CR2: variants seen among roughly 807,000 people sequenced by gnomAD.
CR2 encodes complement C3d receptor 2, also known as complement receptor type 2.
In CR2, 96 loss-of-function variants were observed where a neutral mutation model predicts 123.0. That is an observed-to-expected ratio of 0.78 (90% CI 0.66 to 0.93). The LOEUF (loss-of-function observed/expected upper bound fraction) is 0.93. CR2 is among the 40% of genes least tolerant of loss of function. The probability of loss-of-function intolerance (pLI) is 0.00; values close to 1 mark genes in which losing one functional copy is unlikely to be tolerated. For missense variants in CR2, 1,258 were observed against 1,361.0 expected, an observed-to-expected ratio of 0.92 and a Z score of 1.19; for synonymous variants, 484 against 469.5, an observed-to-expected ratio of 1.03 and a Z score of -0.40.
chr1:207,468,660 G>T lies in CR2; in HGVS notation c.579G>T (p.Lys193Asn). 2 of 1,614,066 alleles carry T rather than the reference G, an allele frequency of 1.2e-6. No homozygotes were observed. Among genetic ancestry groups the T allele is most frequent in the Non-Finnish European group, 1.7e-6 (2 of 1,179,976 alleles). Residue 193 changes from lysine (K) to asparagine (N), a missense_variant, in exon 3 of 20, where the codon AAG becomes AAT. Coordinates refer to ENST00000367057, the MANE Select transcript of CR2 (RefSeq NM_001006658.3). ...CTGGTTACTTGCTTGTTGGAGAAAA[G>T]ATCATTAACTGTTTGTCTTCGGGAA... ...CESGYLLVGEKIINCLSSGKW... is the reference protein window; with the variant it reads ...CESGYLLVGENIINCLSSGKW...
chr1:207,468,082 AAAAT>A (rs1658154499), intron 2 of CR2, among the ~76,000 whole-genome samples: 1 of 152,212 alleles, frequency 6.6e-6, no homozygotes, highest in Non-Finnish European at 1.5e-5. Flanking sequence ...CTAAAAATGA[AAAAT>A]AAGGTACTAT....
chr1:207,467,032 G>A, intron 2 of CR2, 120 bp downstream of exon 2: 1 of 1,227,624 alleles, frequency 8.1e-7, no homozygotes, highest in Non-Finnish European at 1.1e-6. Flanking sequence ...GTGGAAGAAG[G>A]AAACAAGGGA....
chr1:207,480,072 A>G lies in CR2; in HGVS notation c.3188+19A>G. 3 of 1,566,876 alleles carry G rather than the reference A, an allele frequency of 1.9e-6. No individual in the cohort carries two copies. The highest frequency in any genetic ancestry group is 2.6e-6 in the Non-Finnish European group (3 of 1,137,542). On this transcript the variant is annotated intron_variant, in intron 18 of 19. Coordinates refer to ENST00000367057, the MANE Select transcript of CR2 (RefSeq NM_001006658.3). The stretch of plus-strand genomic sequence containing the variant: ...GAGCACGGTAAGTTCAAAGGCGAAT[A>G]CTTGATTGACCAACATGCACAAGTG...
rs1349480518 is a variant in CR2 at position 207,468,837 on chromosome 1, G to A, written c.672G>A (p.Gly224=). Residue 224 remains glycine, a synonymous_variant, in exon 4 of 20, where the codon GGG becomes GGA. Coordinates refer to ENST00000367057, the MANE Select transcript of CR2 (RefSeq NM_001006658.3). Reference sequence around the variant, plus strand: ...AATCTCTAGGACGATTTCCCAATGGGAAGGTAAAGGAGCCTCCAATTCTCC... The same window carrying A: ...AATCTCTAGGACGATTTCCCAATGGAAAGGTAAAGGAGCCTCCAATTCTCC... The part of the protein sequence containing the change: ...RCKSLGRFPN[G]KVKEPPILRV... 1.9e-6 allele frequency: 3 copies of A among 1,614,016 alleles called. No homozygotes were observed. Among genetic ancestry groups the A allele is most frequent in the Admixed American group, 3.3e-5 (2 of 59,988 alleles).
At chr1:207,476,462 T>G in intron 15 of CR2, 43 bp downstream of exon 15, 42 of 1,500,594 alleles carry the variant, frequency 2.8e-5, no homozygotes, top group Non-Finnish European at 3.6e-5. Context: ...ATCAAATTTG[T>G]GCCAAATAGA....
chr1:207,465,391 T>C (rs895607352), intron 1 of CR2, among the ~76,000 whole-genome samples: 54 of 125,252 alleles, frequency 4.3e-4, no homozygotes, highest in African/African-American at 1.5e-3. Flanking sequence ...AAGTCAATGA[T>C]TAGAGATTTT....
chr1:207,486,295 A>T (rs1349191331), intron 19 of CR2, among the ~76,000 whole-genome samples: 1 of 150,714 alleles, frequency 6.6e-6, no homozygotes, highest in Non-Finnish European at 1.5e-5. Flanking sequence ...GGATTCCAGA[A>T]AGAACAGTAG....
chr1:207,478,525 CAAAAAA>C (rs36116544), intron 16 of CR2, among the ~76,000 whole-genome samples: 4 of 58,744 alleles, frequency 6.8e-5, no homozygotes, highest in African/African-American at 2.4e-4. Flanking sequence ...AAGACCCTAT[CAAAAAA>C]AAAAAAAAAA....
In CR2 at chr1:207,472,999, G is replaced by A. The variant is rs768711174; in HGVS notation, c.1798G>A (p.Val600Ile). 2 of 1,613,966 alleles carry A rather than the reference G, an allele frequency of 1.2e-6. No homozygotes were observed. Among genetic ancestry groups the A allele is most frequent in the Non-Finnish European group, 1.7e-6 (2 of 1,179,924 alleles). Residue 600 changes from valine to isoleucine, a missense_variant, in exon 10 of 20, where the codon GTC (valine) becomes ATC (isoleucine). Coordinates refer to ENST00000367057, the MANE Select transcript of CR2 (RefSeq NM_001006658.3). ...CCTGTGTAAACTTTCCCTCCTTGCT[G>A]TCCAGTGCTCACATGTCCATATTGC... is the stretch of plus-strand genomic sequence containing the variant. ...APLCKLSLLA[V>I]QCSHVHIANG...
chr1:207,474,519 A>G (rs996428142), intron 13 of CR2, among the ~76,000 whole-genome samples, 196 bp downstream of exon 13: 1 of 152,212 alleles, frequency 6.6e-6, no homozygotes, highest in Non-Finnish European at 1.5e-5. Context: ...TTTTTCATGC[A>G]TCTGCTAATT....
intron 1 of CR2, among the ~76,000 whole-genome samples, chr1:207,459,812 T>TA (rs1657923956): frequency 6.6e-6 from 1 of 152,228 alleles, no homozygotes; most frequent in African/African-American, 2.4e-5. Flanking sequence ...CCTTTTCTGA[T>TA]ATGATCTGCC....
Position 207,489,726 on chromosome 1 carries a change from T to G in CR2, c.*603T>G, listed in dbSNP as rs369333652. ...ACTCAGTGATTGCAATTTGCACAAGTTTTTTTAAATTATGGGAATCAAGAT... is the reference window on the plus strand; with the variant it reads ...ACTCAGTGATTGCAATTTGCACAAGGTTTTTTAAATTATGGGAATCAAGAT... On this transcript the variant is annotated 3_prime_UTR_variant, in exon 20 of 20. Coordinates refer to ENST00000367057, the MANE Select transcript of CR2 (RefSeq NM_001006658.3). The G allele has an allele frequency of 3.3e-5, 5 of 152,292 alleles. No individual in the cohort carries two copies. The highest frequency in any genetic ancestry group is 1.2e-4 in the African/African-American group (5 of 41,558). 9.4% of individuals were successfully genotyped at this position (152,292 alleles called of 1,614,324 possible).
Position 207,485,542 on chromosome 1 carries a change from C to A in CR2, c.3267C>A (p.Asn1089Lys). 6.2e-7 allele frequency: 1 copy of A among 1,609,398 alleles called. No homozygotes were observed. The highest frequency in any genetic ancestry group is 8.5e-7 in the Non-Finnish European group (1 of 1,175,770). Reference sequence around the variant, plus strand: ...AAGTATATTCTGTTGATCCATACAACCCAGCCAGCTGATCAGAAGACAAAC... The same window carrying A: ...AAGTATATTCTGTTGATCCATACAAACCAGCCAGCTGATCAGAAGACAAAC... ...AREVYSVDPYNPAS is the reference protein window; with the variant it reads ...AREVYSVDPYKPAS The change falls in exon 19 of 20, where the codon AAC becomes AAA. Residue 1089 changes from asparagine (N) to lysine (K), a missense_variant. Coordinates refer to ENST00000367057, the MANE Select transcript of CR2 (RefSeq NM_001006658.3).
chr1:207,467,878 G>C (rs73072567), intron 2 of CR2, among the ~76,000 whole-genome samples: 2,901 of 152,212 alleles, frequency 0.019, 69 homozygotes, highest in African/African-American at 0.064. Flanking sequence ...ACATAATATA[G>C]GTGTATATAT....
chr1:207,468,497 G>GC, intron 2 of CR2, 30 bp from the exon 3 acceptor site: 1 of 1,611,306 alleles, frequency 6.2e-7, no homozygotes. Flanking sequence ...TCATCTGACG[G>GC]CTTTTTTTTC....
chr1:207,469,100 C>T (rs767250244), intron 4 of CR2, 50 bp from the exon 5 acceptor site: 2 of 1,516,040 alleles, frequency 1.3e-6, no homozygotes, highest in African/African-American at 2.7e-5. Context: ...GGCTGCTGTT[C>T]TTCAGCACAA....
At position 207,487,074 on chromosome 1, in the gene CR2, G is replaced by A. The variant is rs76776125; in HGVS notation, c.*18+1502G>A. Among the ~76,000 whole-genome samples, 4 of 152,290 alleles carry A rather than the reference G, an allele frequency of 2.6e-5. No individual in the cohort carries two copies. In the East Asian group the frequency reaches 7.7e-4, roughly 29 times the overall value. ...AGCAAAAAGAAAAGGTCCAAGTACT[G>A]AGCCCTGGATCCTCCAACATTAGAA... On this transcript the variant is annotated intron_variant, in intron 19 of 19. Transcript: ENST00000367057.
Position 207,476,420 on chromosome 1 carries a change from G to A in CR2, c.2902+1G>A, listed in dbSNP as rs1304990223. The A allele has an allele frequency of 6.2e-7, 1 of 1,612,754 alleles. No homozygotes were observed. Among genetic ancestry groups the A allele is most frequent in the Admixed American group, 1.7e-5 (1 of 59,914 alleles). On this transcript the variant is annotated splice_donor_variant, in intron 15 of 19. Transcript: ENST00000367057. LOFTEE classifies it high-confidence loss of function. Reference sequence around the variant, plus strand: ...AGCCAACCTGCCCCTCATTGTAAAGGTGCTTTGTCTATTTTTTATTCTTAT... The same window carrying A: ...AGCCAACCTGCCCCTCATTGTAAAGATGCTTTGTCTATTTTTTATTCTTAT...
intron 5 of CR2, 34 bp from the exon 6 acceptor site, chr1:207,469,661 A>G (rs1254467228): frequency 6.9e-6 from 11 of 1,601,352 alleles, no homozygotes; most frequent in African/African-American, 6.7e-5. Context: ...CAATACACCT[A>G]TGATCTTGTC....
Sources: gnomAD v4.1 joint callset for allele counts (sites outside exome capture counted in the v4.1 genomes callset) on GRCh38, gnomAD v4.1.1 for gene constraint, MANE v1.5 for transcripts, NCBI Gene and HGNC (gene_info 2026-07-23, HGNC 2026-07-21) for gene names.